NAV1: variants seen among roughly 807,000 people sequenced by gnomAD.
The protein encoded by NAV1 is pore membrane and/or filament interacting like protein 3.
NAV1 carries 18 observed loss-of-function variants against 175.2 expected under a neutral mutation model. That is an observed-to-expected ratio of 0.10 (90% CI 0.07 to 0.15). The LOEUF is 0.15. NAV1 is among the 10% of genes least tolerant of loss of function. The pLI is 1.00. For synonymous variants in NAV1, 897 were observed against 978.7 expected, an observed-to-expected ratio of 0.92 and a Z score of 1.56; for missense variants, 1,731 against 2,436.6, an observed-to-expected ratio of 0.71 and a Z score of 6.10.
chr1:201,620,380 C>G (rs1384167960), upstream of NAV1, among the ~76,000 whole-genome samples: 1 of 150,956 alleles, frequency 6.6e-6, no homozygotes, highest in East Asian at 2.0e-4. Flanking sequence ...TTGCTCCCAT[C>G]TGTAATCATT....
chr1:201,643,311 C>T (rs565333836), upstream of NAV1, among the ~76,000 whole-genome samples: 5 of 141,610 alleles, frequency 3.5e-5, no homozygotes, highest in African/African-American at 1.3e-4. Context: ...CTTTCTTTTT[C>T]TTTCTTTCTT....
At chr1:201,662,687 C>G (rs913454232) in intron 1 of NAV1, among the ~76,000 whole-genome samples, 2 of 152,176 alleles carry the variant, frequency 1.3e-5, no homozygotes, top group African/African-American at 4.8e-5. Context: ...CATAGATGAC[C>G]AGTAAAGCTA....
intron 13 of NAV1, 132 bp from the exon 18 acceptor site, chr1:201,793,660 A>G: frequency 1.4e-6 from 1 of 711,422 alleles, no homozygotes; most frequent in East Asian, 2.8e-5. Flanking sequence ...TATTTTTTTA[A>G]CCACCAAGAG....
chr1:201,732,504 G>A (rs1161231653), intron 3 of NAV1, among the ~76,000 whole-genome samples: 2 of 151,982 alleles, frequency 1.3e-5, no homozygotes, highest in African/African-American at 2.4e-5. Context: ...ATCTCCACAA[G>A]TCCTTGTGGT....
chr1:201,782,209 A>T lies in NAV1; in HGVS notation c.1697A>T (p.Lys566Met). Residue 566 changes from lysine to methionine, a missense_variant, in exon 6 of 30, where the codon AAG (lysine) becomes ATG (methionine). Lys to Met is a moderately conservative substitution (Grantham distance 95). Around this residue, in one of 13 missense-constraint regions of NAV1, gnomAD observed 634 missense variants for 766.8 expected, o/e 0.83. Transcript: ENST00000367296. This position sits in a 1 kb window ranked among gnomAD's most constrained non-coding sequence, Gnocchi z 5.4. ...GAGGGCAAAGCTACAGACAAGGGTA[A>T]GCTTGCAGTGAAGAATACTGGGCTC... 1 of 1,609,500 alleles carries T rather than the reference A, an allele frequency of 6.2e-7. No homozygotes were observed. Among genetic ancestry groups the T allele is most frequent in the Non-Finnish European group, 8.5e-7 (1 of 1,177,952 alleles).
At chr1:201,655,858 T>TC (rs1343651611) in intron 1 of NAV1, among the ~76,000 whole-genome samples, 2 of 152,164 alleles carry the variant, frequency 1.3e-5, no homozygotes, top group African/African-American at 2.4e-5. Flanking sequence ...CTTTTTTTTT[T>TC]CTCAGACTTG....
chr1:201,823,533 A>G (rs964587613), exon 30 of NAV1: 5 of 152,190 alleles, frequency 3.3e-5, no homozygotes, highest in African/African-American at 1.2e-4. Flanking sequence ...TTAAGTACCC[A>G]TGTCTTTTTC....
chr1:201,640,048 G>A (rs761014410), intron 2 of NAV1, among the ~76,000 whole-genome samples: 45 of 152,222 alleles, frequency 3.0e-4, no homozygotes, highest in South Asian at 6.2e-4. Context: ...AAGCTCCCCC[G>A]AGACGGTTGA....
intron 1 of NAV1, 139 bp from the exon 6 acceptor site, chr1:201,712,677 TG>T: frequency 1.5e-6 from 1 of 667,640 alleles, no homozygotes; most frequent in Non-Finnish European, 2.8e-6. Context: ...TGGTTGTCTT[TG>T]GGAAAGGGAG....
chr1:201,687,332 T>C (rs939754619), intron 1 of NAV1, among the ~76,000 whole-genome samples: 3 of 152,166 alleles, frequency 2.0e-5, no homozygotes, highest in African/African-American at 7.2e-5. Flanking sequence ...GATACATCTA[T>C]TGTGTATCCA....
chr1:201,611,521 G>A (rs537568353), intron 2 of NAV1, among the ~76,000 whole-genome samples: 2 of 152,310 alleles, frequency 1.3e-5, no homozygotes, highest in African/African-American at 4.8e-5. Flanking sequence ...TGTGTGGTGT[G>A]GGGGAAGATA....
chr1:201,556,464 A>G (rs531083996), intron 1 of NAV1, among the ~76,000 whole-genome samples: 7 of 151,614 alleles, frequency 4.6e-5, no homozygotes, highest in Non-Finnish European at 1.0e-4. Context: ...CAGTGATTAC[A>G]CCCCAGTTGT....
chr1:201,785,951 C>T (rs1022604136), intron 8 of NAV1, among the ~76,000 whole-genome samples: 1 of 152,046 alleles, frequency 6.6e-6, no homozygotes, highest in African/African-American at 2.4e-5. Flanking sequence ...CACCACCAAG[C>T]CTGGCTAAAT....
chr1:201,666,115 C>T (rs146468016), intron 1 of NAV1, among the ~76,000 whole-genome samples: 3 of 152,136 alleles, frequency 2.0e-5, no homozygotes, highest in Admixed American at 6.5e-5. Flanking sequence ...CAGAATCCCA[C>T]CATTCTCATA....
rs1318604784 is a variant in NAV1 at position 201,813,777 on chromosome 1, A to T, written c.5340+519A>T. ...GATTTTTAAAAGTTAGAATAAGGAGACCGGGCGTGGTGGGTCATGCCTGTA... is the reference window on the plus strand; with the variant it reads ...GATTTTTAAAAGTTAGAATAAGGAGTCCGGGCGTGGTGGGTCATGCCTGTA... On this transcript the variant is annotated intron_variant, in intron 28 of 29. Coordinates refer to ENST00000367296, the Ensembl canonical transcript of NAV1. The surrounding 1 kb of genome is among the most constrained non-coding windows in gnomAD (Gnocchi z 4.2). Among the ~76,000 whole-genome samples the T allele has an allele frequency of 2.6e-5, 4 of 152,080 alleles. No individual in the cohort carries two copies. The highest frequency in any genetic ancestry group is 6.6e-5 in the Admixed American group (1 of 15,250).
At position 201,785,371 on chromosome 1, in the gene NAV1, T is replaced by C. The variant is rs1404153543; in HGVS notation, c.2846+20T>C. ...GCTCAGGTAACCCTTTAATGTGTTT[T>C]TTCTTCCCTATAAATGGGACTGCTG... is the stretch of plus-strand genomic sequence containing the variant. On this transcript the variant is annotated intron_variant, in intron 8 of 29. Coordinates refer to ENST00000367296, the Ensembl canonical transcript of NAV1. 1.9e-6 allele frequency: 3 copies of C among 1,612,544 alleles called. No individual in the cohort carries two copies. Among genetic ancestry groups the C allele is most frequent in the Non-Finnish European group, 2.5e-6 (3 of 1,179,192 alleles).
intron 22 of NAV1, 127 bp downstream of exon 26, chr1:201,809,664 G>C: frequency 9.2e-6 from 8 of 870,346 alleles, no homozygotes; most frequent in Non-Finnish European, 1.4e-5. Context: ...GCTCACTGCA[G>C]CCTTGAACTC....
At chr1:201,652,828 A>T (rs995781855) in intron 1 of NAV1, among the ~76,000 whole-genome samples, 1 of 152,234 alleles carries the variant, frequency 6.6e-6, no homozygotes, top group Admixed American at 6.5e-5. Flanking sequence ...TGATGGGGTT[A>T]TGTCCCGTTA....
chr1:201,821,912 A>C (rs1679407651), exon 30 of NAV1: 1 of 152,260 alleles, frequency 6.6e-6, no homozygotes, highest in Admixed American at 6.5e-5. Flanking sequence ...TTTGCTCTTC[A>C]GATTCCTAAG....
Sources: gnomAD v4.1 joint callset for allele counts (sites outside exome capture counted in the v4.1 genomes callset) on GRCh38, gnomAD v4.1.1 for gene constraint, gnomAD v4.1.1 regional missense constraint, Gnocchi (gnomAD v3.1) non-coding constraint, MANE v1.5 for transcripts, NCBI Gene and HGNC (gene_info 2026-07-23, HGNC 2026-07-21) for gene names.